The following RBMS3 variants were observed in gnomAD, a reference collection of about 807,000 sequenced individuals.
The protein encoded by RBMS3 is RNA-binding motif, single-stranded-interacting protein 3.
Under a neutral mutation model 66.8 loss-of-function variants are expected in RBMS3, and 27 were observed. The ratio of observed to expected loss-of-function variants is 0.40; its 90% CI spans 0.30 to 0.56. RBMS3 has a LOEUF of 0.56. RBMS3 is among the 20% of genes least tolerant of loss of function. The pLI is 0.40. For missense variants in RBMS3, 513 were observed against 549.5 expected (o/e 0.93, Z 0.66); for synonymous variants, 188 against 183.0 (o/e 1.03, Z -0.22).
At chr3:29,927,216 C>T (rs6799122) in intron 10 of RBMS3, 34,661 of 152,090 alleles carry the variant, frequency 0.23, 4,254 homozygotes, top group East Asian at 0.47. Flanking sequence ...GGATCTTTTA[C>T]GTCCATCTTT....
At chr3:29,820,741 G>T (rs1012648533) in intron 6 of RBMS3, among the ~76,000 whole-genome samples, 1 of 152,070 alleles carries the variant, frequency 6.6e-6, no homozygotes, top group South Asian at 2.1e-4. Context: ...ATTAATGCAC[G>T]TGGTGCTACA....
At chr3:29,602,609 A>T (rs1315990687) in intron 4 of RBMS3, among the ~76,000 whole-genome samples, 1 of 152,036 alleles carries the variant, frequency 6.6e-6, no homozygotes, top group Non-Finnish European at 1.5e-5. Context: ...TGTTAAAGGC[A>T]CCAACATTCT....
chr3:29,950,286 G>A (rs768277124), intron 12 of RBMS3, among the ~76,000 whole-genome samples: 5 of 151,878 alleles, frequency 3.3e-5, no homozygotes, highest in Non-Finnish European at 7.4e-5. Flanking sequence ...GAATTTTTCA[G>A]TGAGTGGCAG....
intron 1 of RBMS3, among the ~76,000 whole-genome samples, chr3:29,354,111 C>T (rs1559510729): frequency 6.6e-6 from 1 of 151,946 alleles, no homozygotes; most frequent in Non-Finnish European, 1.5e-5. Flanking sequence ...TTATGAAATA[C>T]TTTTTTAAAT....
At chr3:29,349,853 T>C (rs1233776155) in intron 1 of RBMS3, among the ~76,000 whole-genome samples, 1 of 152,148 alleles carries the variant, frequency 6.6e-6, no homozygotes, top group African/African-American at 2.4e-5. Context: ...GAATCTCGAT[T>C]TATTCATAAA....
At chr3:29,285,367 C>G (rs868538085) in intron 1 of RBMS3, among the ~76,000 whole-genome samples, 1 of 151,560 alleles carries the variant, frequency 6.6e-6, no homozygotes, top group African/African-American at 2.4e-5. Flanking sequence ...TTTTTCCAGC[C>G]GAGAAATAGA....
At chr3:29,890,485 A>T (rs2059974596) in intron 8 of RBMS3, among the ~76,000 whole-genome samples, 1 of 151,672 alleles carries the variant, frequency 6.6e-6, no homozygotes, top group Admixed American at 6.6e-5. Context: ...AACACAGGGT[A>T]TCCAAAGATG....
At chr3:29,384,610 T>A (rs1219016474) in intron 1 of RBMS3, among the ~76,000 whole-genome samples, 1 of 152,116 alleles carries the variant, frequency 6.6e-6, no homozygotes, top group Non-Finnish European at 1.5e-5. Flanking sequence ...GGGAGAGAAG[T>A]TTTGCTACCG....
At chr3:29,915,820 C>G (rs2060625241) in intron 10 of RBMS3, among the ~76,000 whole-genome samples, 1 of 151,948 alleles carries the variant, frequency 6.6e-6, no homozygotes, top group African/African-American at 2.4e-5. Flanking sequence ...TTTTGTAATT[C>G]TAACAAAGAA....
intron 12 of RBMS3, among the ~76,000 whole-genome samples, chr3:29,948,447 G>C (rs1354030632): frequency 1.3e-5 from 2 of 151,746 alleles, no homozygotes; most frequent in African/African-American, 4.8e-5. Flanking sequence ...ATCATCCAGA[G>C]GAGGGAAAGG....
At chr3:29,938,451 T>G (rs2061318749) in intron 11 of RBMS3, among the ~76,000 whole-genome samples, 1 of 151,958 alleles carries the variant, frequency 6.6e-6, no homozygotes, top group Admixed American at 6.6e-5. Context: ...TTGCATTACC[T>G]GATGTTATGG....
At chr3:29,548,858 A>G (rs1035012282) in intron 3 of RBMS3, among the ~76,000 whole-genome samples, 3 of 152,088 alleles carry the variant, frequency 2.0e-5, no homozygotes, top group African/African-American at 7.2e-5. Context: ...ACAATATGCC[A>G]AGCTTAAGAA....
intron 1 of RBMS3, among the ~76,000 whole-genome samples, chr3:29,374,756 G>T (rs1343669392): frequency 6.6e-6 from 1 of 152,210 alleles, no homozygotes; most frequent in Admixed American, 6.5e-5. Context: ...AGCAGCAACT[G>T]TATTTGAATA....
At chr3:29,635,025 C>G (rs2049424526) in intron 4 of RBMS3, among the ~76,000 whole-genome samples, 1 of 151,892 alleles carries the variant, frequency 6.6e-6, no homozygotes, top group African/African-American at 2.4e-5. Context: ...GGCAATCTTA[C>G]AAATCACTAC....
intron 4 of RBMS3, among the ~76,000 whole-genome samples, chr3:29,735,462 A>G (rs1172200224): frequency 1.3e-5 from 2 of 152,214 alleles, no homozygotes; most frequent in African/African-American, 4.8e-5. Context: ...GTAGAAACAG[A>G]CCAAAATGGG....
chr3:29,674,921 ACCAAAAAAGAG>A (rs2051175322), intron 4 of RBMS3, among the ~76,000 whole-genome samples: 1 of 152,128 alleles, frequency 6.6e-6, no homozygotes, highest in Non-Finnish European at 1.5e-5. Flanking sequence ...TTCATATAGA[ACCAAAAAAGAG>A]CCTGCATTGC....
intron 1 of RBMS3, among the ~76,000 whole-genome samples, chr3:29,320,444 C>CT (rs1448102147): frequency 1.3e-5 from 2 of 151,912 alleles, no homozygotes; most frequent in Admixed American, 1.3e-4. Flanking sequence ...AGAATAAAAG[C>CT]TGGATCATCT....
chr3:29,982,504 C>T (rs1456995337), intron 12 of RBMS3, among the ~76,000 whole-genome samples: 16 of 151,924 alleles, frequency 1.1e-4, no homozygotes, highest in South Asian at 8.3e-4. Context: ...TCAATTGTGA[C>T]GTTAGGGTGT....
chr3:29,783,263 C>T (rs141173020), intron 6 of RBMS3, among the ~76,000 whole-genome samples: 23 of 152,156 alleles, frequency 1.5e-4, no homozygotes, highest in African/African-American at 5.5e-4. Context: ...TATCTAAAGT[C>T]AAGACAAAGG....
Sources: gnomAD v4.1 joint callset for allele counts (sites outside exome capture counted in the v4.1 genomes callset) on GRCh38, gnomAD v4.1.1 for gene constraint, MANE v1.5 for transcripts, NCBI Gene and HGNC (gene_info 2026-07-23, HGNC 2026-07-21) for gene names.